SPATC1: variants seen among roughly 807,000 people sequenced by gnomAD.
SPATC1 encodes spermatogenesis and centriole associated 1, also known as speriolin.
Under a neutral mutation model 36.5 loss-of-function variants are expected in SPATC1, and 35 were observed. That is an observed-to-expected ratio of 0.96 (90% CI 0.73 to 1.27). SPATC1 has a LOEUF of 1.27. Ranked by LOEUF, SPATC1 falls within the 50% of genes most tolerant of loss-of-function variation. The probability of loss-of-function intolerance (pLI) is 0.00; values close to 1 mark genes in which losing one functional copy is unlikely to be tolerated. For missense variants in SPATC1, 779 were observed against 796.0 expected, an observed-to-expected ratio of 0.98 and a Z score of 0.26; for synonymous variants, 361 against 353.6, an observed-to-expected ratio of 1.02 and a Z score of -0.24.
chr8:144,035,135 T>A (rs1321834026), intron 1 of SPATC1, among the ~76,000 whole-genome samples: 3 of 152,114 alleles, frequency 2.0e-5, no homozygotes, highest in African/African-American at 7.2e-5. Context: ...ACAGGATGGG[T>A]CTTTCTGAGG....
intron 1 of SPATC1, among the ~76,000 whole-genome samples, chr8:144,034,244 C>A (rs1376431642): frequency 6.6e-6 from 1 of 152,136 alleles, no homozygotes; most frequent in African/African-American, 2.4e-5. Flanking sequence ...TGGGCATGCA[C>A]GGGCCTCCAT....
chr8:144,014,294 G>A (rs1834338377), intron 1 of SPATC1, among the ~76,000 whole-genome samples: 1 of 150,028 alleles, frequency 6.7e-6, no homozygotes, highest in African/African-American at 2.5e-5. Flanking sequence ...AGAGAGGAAG[G>A]AAGGAAGGAT....
At chr8:144,021,259 C>CCA (rs1834524878) in intron 1 of SPATC1, among the ~76,000 whole-genome samples, 2,944 of 52,666 alleles carry the variant, frequency 0.056, no homozygotes, top group East Asian at 0.078. Context: ...GGACTCTCTT[C>CCA]CTTCAGGACC....
At chr8:144,043,760 T>C (rs1554756415) in intron 4 of SPATC1, among the ~76,000 whole-genome samples, 1 of 151,900 alleles carries the variant, frequency 6.6e-6, no homozygotes, top group Admixed American at 6.6e-5. Flanking sequence ...TTGGCTGTCT[T>C]TGGATTGATT....
rs28483871 is a variant in SPATC1 at position 144,046,480 on chromosome 8, T to C, written c.1447-147T>C. The C allele has an allele frequency of 0.052, 37,805 of 729,236 alleles. 7,993 individuals are homozygous for C. Among genetic ancestry groups the C allele is most frequent in the African/African-American group, 0.52 (29,245 of 56,414 alleles). The allele number at this position is 729,236 out of a possible 1,614,324, so 45.2% of individuals were successfully genotyped here. ...CCCACTGGGTTCCCCTGTCCTAGAT[T>C]CTTGAGGTCTGTCGCAGAACCTCCC... On this transcript the variant is annotated intron_variant, in intron 4 of 4. Transcript: ENST00000377470. The surrounding 1 kb of genome is among the most constrained non-coding windows in gnomAD (Gnocchi z 6.6).
At chr8:144,017,633 G>C (rs1210931192) in intron 1 of SPATC1, among the ~76,000 whole-genome samples, 2 of 152,170 alleles carry the variant, frequency 1.3e-5, no homozygotes, top group African/African-American at 4.8e-5. Flanking sequence ...CCACATCCTG[G>C]CACAAAACTA....
At chr8:144,042,299 A>ATTTTT (rs1835127111) in intron 4 of SPATC1, among the ~76,000 whole-genome samples, 1 of 54,766 alleles carries the variant, frequency 1.8e-5, no homozygotes, top group African/African-American at 1.1e-4. Flanking sequence ...ATATATATAT[A>ATTTTT]TATATATATA....
intron 1 of SPATC1, among the ~76,000 whole-genome samples, chr8:144,038,077 G>T (rs1218080615): frequency 6.7e-6 from 1 of 150,034 alleles, no homozygotes; most frequent in South Asian, 2.1e-4. Context: ...TCAGTGAGCC[G>T]AGATCGCACC....
Position 144,039,717 on chromosome 8 carries a change from C to T in SPATC1, c.212-192C>T, listed in dbSNP as rs193115771. ...CTCCTCTGAGCAGACACAGACTCCC[C>T]ACAGAGGCAGAGACGCCACCACCCT... On this transcript the variant is annotated intron_variant, in intron 1 of 4. Coordinates refer to ENST00000377470, the MANE Select transcript of SPATC1 (RefSeq NM_198572.3). Among the ~76,000 whole-genome samples the T allele has an allele frequency of 1.1e-4, 17 of 152,292 alleles. No individual in the cohort carries two copies. The East Asian group carries it at 3.3e-3, about 29-fold the overall frequency.
chr8:144,043,921 A>T lies in SPATC1; in HGVS notation c.1446+2550A>T, dbSNP rs953731115. Among the ~76,000 whole-genome samples, 2 of 152,122 alleles carry T rather than the reference A, an allele frequency of 1.3e-5. 1 individual carries two copies. The highest frequency in any genetic ancestry group is 6.3e-3 in the Middle Eastern group (2 of 316). On this transcript the variant is annotated intron_variant, in intron 4 of 4. Coordinates refer to ENST00000377470, the MANE Select transcript of SPATC1 (RefSeq NM_198572.3). ...GCACACGCCTTGGAGGACGGTGTGG[A>T]CACGGTCACGTGTGCACTCCTCCAC...
intron 1 of SPATC1, among the ~76,000 whole-genome samples, chr8:144,027,194 A>G (rs1051956307): frequency 6.6e-6 from 1 of 152,006 alleles, no homozygotes; most frequent in African/African-American, 2.4e-5. Flanking sequence ...GGTTTGTCTT[A>G]AACTCCCAGA....
chr8:144,041,731 G>C (rs896176705), intron 4 of SPATC1, among the ~76,000 whole-genome samples: 29 of 152,292 alleles, frequency 1.9e-4, no homozygotes, highest in African/African-American at 6.7e-4. Context: ...AGCTCGGTTG[G>C]GGGTGTGCGG....
rs1030600637 is a variant in SPATC1, at chr8:144,029,612, A to T, written c.212-10297A>T. Among the ~76,000 whole-genome samples the T allele has an allele frequency of 6.6e-5, 10 of 152,232 alleles. No homozygotes were observed. The South Asian group carries it at 2.1e-3, about 32-fold the overall frequency. On this transcript the variant is annotated intron_variant, in intron 1 of 4. Transcript: ENST00000377470. ...ATAAAGAGTGTGTTGTTTCATTTCCACAGTTGTGAATTTTACAGATTTCCA... is the reference window on the plus strand; with the variant it reads ...ATAAAGAGTGTGTTGTTTCATTTCCTCAGTTGTGAATTTTACAGATTTCCA...
rs1238541924 is a variant in SPATC1 at position 144,045,995 on chromosome 8, T to TCCCAGG, written c.1447-628_1447-623dup. ...TGGAAACTGACCCAGATGTGCTGGT[T>TCCCAGG]CCCAGGCCCTGGCCCTGGCCCCAGG... On this transcript the variant is annotated intron_variant, in intron 4 of 4. Coordinates refer to ENST00000377470, the MANE Select transcript of SPATC1 (RefSeq NM_198572.3). The surrounding 1 kb of genome is among the most constrained non-coding windows in gnomAD (Gnocchi z 5.2). Among the ~76,000 whole-genome samples the TCCCAGG allele has an allele frequency of 1.3e-5, 2 of 152,136 alleles. No individual in the cohort carries two copies. Among genetic ancestry groups the TCCCAGG allele is most frequent in the Non-Finnish European group, 2.9e-5 (2 of 68,016 alleles).
intron 1 of SPATC1, among the ~76,000 whole-genome samples, chr8:144,034,540 C>G (rs1834860445): frequency 6.6e-6 from 1 of 151,842 alleles, no homozygotes; most frequent in Non-Finnish European, 1.5e-5. Flanking sequence ...TTACATACAC[C>G]CCTTAAAGGT....
intron 4 of SPATC1, among the ~76,000 whole-genome samples, chr8:144,042,319 T>A (rs1250802351): frequency 5.1e-4 from 55 of 107,784 alleles, no homozygotes; most frequent in African/African-American, 1.7e-3. Flanking sequence ...ATATTTTTTT[T>A]TTTTTTTTTT....
At chr8:144,037,478 A>C (rs905312741) in intron 1 of SPATC1, among the ~76,000 whole-genome samples, 11 of 152,094 alleles carry the variant, frequency 7.2e-5, no homozygotes, top group Non-Finnish European at 1.0e-4. Context: ...ACTAAGAAAA[A>C]TTCTTATCCT....
chr8:144,043,385 G>T (rs887859013), intron 4 of SPATC1, among the ~76,000 whole-genome samples: 1 of 150,016 alleles, frequency 6.7e-6, no homozygotes. Context: ...AAGTTCAAGC[G>T]ATTCTCCTGC....
intron 1 of SPATC1, among the ~76,000 whole-genome samples, chr8:144,020,884 C>T (rs1312001765): frequency 6.7e-6 from 1 of 150,054 alleles, no homozygotes; most frequent in Admixed American, 6.6e-5. Flanking sequence ...CCTCAGACCC[C>T]TCTTCCCTCA....
Sources: gnomAD v4.1 joint callset for allele counts (sites outside exome capture counted in the v4.1 genomes callset) on GRCh38, gnomAD v4.1.1 for gene constraint, Gnocchi (gnomAD v3.1) non-coding constraint, MANE v1.5 for transcripts, NCBI Gene and HGNC (gene_info 2026-07-23, HGNC 2026-07-21) for gene names.